The following MAP4 variants were observed in gnomAD, a reference collection of about 807,000 sequenced individuals.
The protein encoded by MAP4 is microtubule associated protein 4, also known as microtubule-associated protein 4.
In MAP4, 76 loss-of-function variants were observed where a neutral mutation model predicts 170.2. The observed-to-expected ratio is 0.45, with a 90% CI of 0.37 to 0.54. The LOEUF is 0.54. Among genes scored for constraint, MAP4 ranks in the 20% least tolerant of loss-of-function variants. The probability of loss-of-function intolerance (pLI) is 0.00; values close to 1 mark genes in which losing one functional copy is unlikely to be tolerated. For missense variants in MAP4, 2,506 were observed against 2,748.0 expected, an observed-to-expected ratio of 0.91 and a Z score of 1.97; for synonymous variants, 909 against 994.5, an observed-to-expected ratio of 0.91 and a Z score of 1.62.
chr3:48,006,384 C>T (rs2166772), intron 1 of MAP4, among the ~76,000 whole-genome samples: 94,664 of 151,954 alleles, frequency 0.62, 30,302 homozygotes, highest in East Asian at 0.73. Flanking sequence ...TAAAACATCA[C>T]TGTGGTCTTC....
intron 3 of MAP4, among the ~76,000 whole-genome samples, chr3:47,952,124 G>A (rs1459316892): frequency 5.4e-5 from 8 of 147,550 alleles, no homozygotes; most frequent in Non-Finnish European, 8.9e-5. Flanking sequence ...CAGCTGCCCC[G>A]TCTGAGAAGT....
At chr3:47,857,795 G>T (rs552775841) in intron 17 of MAP4, among the ~76,000 whole-genome samples, 1 of 151,414 alleles carries the variant, frequency 6.6e-6, no homozygotes, top group Non-Finnish European at 1.5e-5. Flanking sequence ...TATAACCTCC[G>T]CCTCCTGGGG....
Position 47,949,970 on chromosome 3 carries a change from T to C in MAP4, c.293-21620A>G, listed in dbSNP as rs57755940. 2.6e-3 allele frequency among the ~76,000 whole-genome samples: 402 copies of C among 152,308 alleles called. 3 individuals are homozygous for C. The highest frequency in any genetic ancestry group is 9.3e-3 in the African/African-American group (385 of 41,566). On this transcript the variant is annotated intron_variant, in intron 3 of 20. Coordinates refer to ENST00000683076, the MANE Select transcript of MAP4 (RefSeq NM_001385682.1). ...GACAGCACCACCCAGAGCAGCTTCC[T>C]AGACAGTTTTGTTGGCACTCCAGCA...
rs2100071960 is a variant in MAP4, at chr3:47,962,179, T to C, written c.292+15686A>G. Reference sequence around the variant, plus strand: ...TTAATAACAGATATAAACAGCTAGCTAGCAGCTCACAGACACCGATTCTGG... The same window carrying C: ...TTAATAACAGATATAAACAGCTAGCCAGCAGCTCACAGACACCGATTCTGG... On this transcript the variant is annotated intron_variant, in intron 3 of 20. Transcript: ENST00000683076. Among the ~76,000 whole-genome samples the C allele has an allele frequency of 3.9e-5, 6 of 152,362 alleles. No individual in the cohort carries two copies. The South Asian group carries it at 1.0e-3, about 26-fold the overall frequency.
chr3:47,864,521 T>TA lies in MAP4; in HGVS notation c.6501+2724dup, dbSNP rs59437381. ...GAAACCCCGTCTCTACTAAAAAATA[T>TA]AAAAAATTAGCTGGGCATTGTGGCG... On this transcript the variant is annotated intron_variant, in intron 17 of 20. Coordinates refer to ENST00000683076, the MANE Select transcript of MAP4 (RefSeq NM_001385682.1). 2.9e-3 allele frequency among the ~76,000 whole-genome samples: 436 copies of TA among 151,914 alleles called. 4 individuals are homozygous for TA. Among genetic ancestry groups the TA allele is most frequent in the African/African-American group, 0.01 (417 of 41,436 alleles).
At chr3:47,960,258 C>A in intron 3 of MAP4, 1 of 208,784 alleles carries the variant, frequency 4.8e-6, no homozygotes, top group South Asian at 9.1e-5. Context: ...TCATCTTATT[C>A]AGTATATTTC....
intron 1 of MAP4, among the ~76,000 whole-genome samples, chr3:48,073,580 C>A (rs1379571596): frequency 1.3e-5 from 2 of 149,028 alleles, no homozygotes; most frequent in African/African-American, 5.0e-5. Flanking sequence ...CATTGCACTC[C>A]AGTTTGGGTG....
intron 2 of MAP4, among the ~76,000 whole-genome samples, chr3:47,994,551 T>C (rs1218168814): frequency 6.6e-6 from 1 of 152,236 alleles, no homozygotes; most frequent in Non-Finnish European, 1.5e-5. Flanking sequence ...GCAGTAGATT[T>C]TCTTGTGCTT....
At chr3:47,938,079 AC>A (rs2100054092) in intron 3 of MAP4, among the ~76,000 whole-genome samples, 1 of 151,812 alleles carries the variant, frequency 6.6e-6, no homozygotes, top group Non-Finnish European at 1.5e-5. Flanking sequence ...TTTTATTGAG[AC>A]AAGATCTCTG....
chr3:47,921,953 C>CTTTT (rs1265575803), intron 4 of MAP4, 75 bp from the exon 5 acceptor site: 2 of 608,104 alleles, frequency 3.3e-6, no homozygotes, highest in Non-Finnish European at 5.8e-6. Flanking sequence ...TTCTTTCTTT[C>CTTTT]TTTTTTTTTT....
At chr3:47,933,943 C>T (rs1253019585) in intron 3 of MAP4, among the ~76,000 whole-genome samples, 1 of 152,108 alleles carries the variant, frequency 6.6e-6, no homozygotes, top group African/African-American at 2.4e-5. Context: ...CAAGTAGGTT[C>T]CCCAGAGCTG....
intron 1 of MAP4, among the ~76,000 whole-genome samples, chr3:48,067,062 G>A (rs6780509): frequency 0.01 from 1,576 of 151,692 alleles, 26 homozygotes; most frequent in African/African-American, 0.036. Flanking sequence ...GGATGGTCTC[G>A]ATCTTCTGAC....
chr3:47,915,061 G>T, intron 7 of MAP4, 122 bp from the exon 8 acceptor site: 1 of 1,156,498 alleles, frequency 8.6e-7, no homozygotes, highest in South Asian at 1.4e-5. Flanking sequence ...GGCAGCAAAG[G>T]AGTGAAGTGG....
At chr3:48,068,195 G>A (rs1179555722) in intron 1 of MAP4, among the ~76,000 whole-genome samples, 2 of 147,238 alleles carry the variant, frequency 1.4e-5, no homozygotes, top group Admixed American at 1.4e-4. Context: ...AGCCCAGGAG[G>A]CAGAGGCTGC....
intron 10 of MAP4, among the ~76,000 whole-genome samples, chr3:47,890,732 G>A (rs563888902): frequency 5.3e-5 from 8 of 152,218 alleles, no homozygotes; most frequent in African/African-American, 1.2e-4. Flanking sequence ...AAGAAAGGGG[G>A]TCTAGTTTTT....
chr3:47,945,718 T>C (rs1342534810), intron 3 of MAP4, among the ~76,000 whole-genome samples: 1 of 151,876 alleles, frequency 6.6e-6, no homozygotes, highest in African/African-American at 2.4e-5. Flanking sequence ...TATTATAATT[T>C]AATATTTTTT....
At chr3:47,891,361 C>A (rs763010159) in intron 10 of MAP4, 1 of 1,536,070 alleles carries the variant, frequency 6.5e-7, no homozygotes, top group Non-Finnish European at 8.7e-7. Context: ...CTTTAGTAGA[C>A]AAGATGGGCA....
chr3:48,080,288 T>C (rs998747839), intron 1 of MAP4, among the ~76,000 whole-genome samples: 1 of 152,234 alleles, frequency 6.6e-6, no homozygotes, highest in Non-Finnish European at 1.5e-5. Context: ...AATACCTGCA[T>C]AGAGAACTGG....
intron 1 of MAP4, among the ~76,000 whole-genome samples, chr3:48,065,690 A>C (rs1453148666): frequency 1.3e-5 from 2 of 152,244 alleles, no homozygotes; most frequent in East Asian, 1.9e-4. Context: ...AGTTTCTTAT[A>C]ATCTGGATAA....
Sources: allele counts gnomAD v4.1 joint callset (sites outside exome capture counted in the v4.1 genomes callset), GRCh38; gene constraint gnomAD v4.1.1; transcripts MANE v1.5; gene names NCBI Gene and HGNC (gene_info 2026-07-23, HGNC 2026-07-21).